Variants in TDRD1 observed in about 807,000 individuals in gnomAD.
TDRD1 encodes tudor domain-containing protein 1.
TDRD1 carries 37 observed loss-of-function variants against 140.6 expected under a neutral mutation model. The ratio of observed to expected loss-of-function variants is 0.26; its 90% CI spans 0.20 to 0.35. TDRD1 has a LOEUF of 0.35. TDRD1 is among the 10% of genes least tolerant of loss of function. TDRD1 has a pLI of 1.00. For missense variants in TDRD1, 1,243 were observed against 1,393.0 expected (o/e 0.89, Z 1.71); for synonymous variants, 506 against 475.7 (o/e 1.06, Z -0.83).
chr10:114,200,050 C>G (rs2034627386), intron 4 of TDRD1, among the ~76,000 whole-genome samples: 1 of 152,170 alleles, frequency 6.6e-6, no homozygotes, highest in South Asian at 2.1e-4. Flanking sequence ...AAGGTATTGT[C>G]CCATTTTCTT....
At chr10:114,191,132 TTC>T in intron 3 of TDRD1, 113 bp downstream of exon 3, 1 of 1,176,306 alleles carries the variant, frequency 8.5e-7, no homozygotes. Context: ...CAAATGTTTT[TTC>T]TTTTATGTAC....
chr10:114,182,926 C>T (rs1437124830), intron 1 of TDRD1, among the ~76,000 whole-genome samples: 2 of 152,116 alleles, frequency 1.3e-5, no homozygotes, highest in East Asian at 3.9e-4. Flanking sequence ...CCTCGTGATC[C>T]GCCCGCCTCA....
In TDRD1 at chr10:114,202,304, G is replaced by A; in HGVS notation, c.696+6G>A. ...ATGTGGAGGTAAACAATAAGGTATG[G>A]TATACTTTGTCTTTAAATTTTGAAT... On this transcript the variant is annotated splice_donor_region_variant and intron_variant, in intron 6 of 25. Transcript: ENST00000251864. The A allele has an allele frequency of 6.4e-7, 1 of 1,569,132 alleles. No individual in the cohort carries two copies. The highest frequency in any genetic ancestry group is 1.4e-5 in the African/African-American group (1 of 73,694).
chr10:114,194,761 T>TG (rs1470725252), intron 3 of TDRD1, among the ~76,000 whole-genome samples: 2 of 149,902 alleles, frequency 1.3e-5, no homozygotes, highest in African/African-American at 2.4e-5. Flanking sequence ...GTTGTTGGTT[T>TG]TTTTTTTTTT....
chr10:114,192,054 A>ATT (rs146888592), intron 3 of TDRD1, among the ~76,000 whole-genome samples: 275 of 145,558 alleles, frequency 1.9e-3, no homozygotes, highest in South Asian at 8.5e-3. Context: ...CTATTTTCTA[A>ATT]TTTTTTTTTT....
intron 25 of TDRD1, among the ~76,000 whole-genome samples, chr10:114,229,768 A>G (rs533320912): frequency 2.7e-5 from 4 of 150,926 alleles, no homozygotes; most frequent in Non-Finnish European, 4.4e-5. Flanking sequence ...ATGCAATGAC[A>G]TGGATTTCTG....
At chr10:114,213,550 T>C (rs1338837320) in exon 15 of TDRD1, 4 of 1,613,912 alleles carry the variant, frequency 2.5e-6, no homozygotes, top group Admixed American at 1.7e-5. Flanking sequence ...GAACAGAGTA[T>C]GGTGACAGAT....
At chr10:114,180,147 G>C (rs1418131414) in intron 1 of TDRD1, 2 of 152,190 alleles carry the variant, frequency 1.3e-5, no homozygotes, top group African/African-American at 2.4e-5. Context: ...CTGCAAGCTG[G>C]TTCCACAGGA....
intron 2 of TDRD1, among the ~76,000 whole-genome samples, chr10:114,190,611 C>T (rs1404950428): frequency 2.0e-5 from 3 of 152,210 alleles, no homozygotes; most frequent in African/African-American, 4.8e-5. Context: ...CCTCAGCCTC[C>T]TGAGTAATTG....
At chr10:114,181,648 G>A (rs552775251) in intron 1 of TDRD1, among the ~76,000 whole-genome samples, 1 of 152,196 alleles carries the variant, frequency 6.6e-6, no homozygotes, top group Admixed American at 6.5e-5. Flanking sequence ...GAGGTTAGGA[G>A]TTTGAGACCA....
At chr10:114,190,617 A>G (rs531794868) in intron 2 of TDRD1, among the ~76,000 whole-genome samples, 2 of 152,320 alleles carry the variant, frequency 1.3e-5, no homozygotes, top group East Asian at 1.9e-4. Flanking sequence ...CCTCCTGAGT[A>G]ATTGGGATTA....
chr10:114,214,939 C>T (rs1353596781), intron 16 of TDRD1, among the ~76,000 whole-genome samples: 1 of 151,926 alleles, frequency 6.6e-6, no homozygotes, highest in East Asian at 1.9e-4. Context: ...GGTGGGGTTT[C>T]ACCGTGTTAG....
At chr10:114,227,826 A>T in intron 23 of TDRD1, 84 bp from the exon 24 acceptor site, 6 of 1,043,756 alleles carry the variant, frequency 5.7e-6, no homozygotes, top group Non-Finnish European at 8.9e-6. Flanking sequence ...CAAGGGGGAG[A>T]GCTATCTGTA....
Position 114,231,986 on chromosome 10 carries a change from G to T in TDRD1, c.*469G>T, listed in dbSNP as rs12266538. 1,108 of 150,506 alleles carry T rather than the reference G, an allele frequency of 7.4e-3. 4 individuals are homozygous for T. The highest frequency in any genetic ancestry group is 0.034 in the South Asian group (160 of 4,762). The allele number at this position is 150,506 out of a possible 1,614,324, so 9.3% of individuals were successfully genotyped here. On this transcript the variant is annotated 3_prime_UTR_variant, in exon 26 of 26. Transcript: ENST00000251864. ...TTGATATGAGTTTTATTTTCTGTCC[G>T]TTTGAAATATTTTGTAATATTCCCT...
At chr10:114,231,336 G>T (rs1269559669) in intron 25 of TDRD1, 3 of 672,024 alleles carry the variant, frequency 4.5e-6, no homozygotes, top group Non-Finnish European at 7.8e-6. Context: ...TGTTATGGTG[G>T]TCATTAATTT....
At chr10:114,222,638 A>T in exon 21 of TDRD1, 2 of 1,613,646 alleles carry the variant, frequency 1.2e-6, no homozygotes, top group Non-Finnish European at 1.7e-6. Context: ...GAATACTGCA[A>T]TGCTCCGAAA....
intron 22 of TDRD1, among the ~76,000 whole-genome samples, chr10:114,226,507 ACAGGGTGTCTGGTGTCTGTGAAC>A (rs1167176116): frequency 6.6e-6 from 1 of 152,164 alleles, no homozygotes; most frequent in African/African-American, 2.4e-5. Flanking sequence ...AGGATGTGAA[ACAGGGTGTCTGGTGTCTGTGAAC>A]CAGGGTGTCT....
At chr10:114,191,967 T>C (rs757449772) in intron 3 of TDRD1, among the ~76,000 whole-genome samples, 1 of 152,208 alleles carries the variant, frequency 6.6e-6, no homozygotes, top group African/African-American at 2.4e-5. Flanking sequence ...TCCCTCACGA[T>C]TGATGATGAT....
intron 22 of TDRD1, among the ~76,000 whole-genome samples, chr10:114,226,494 G>A (rs2036444815): frequency 6.6e-6 from 1 of 152,196 alleles, no homozygotes; most frequent in South Asian, 2.1e-4. Context: ...AAGTGGCAAG[G>A]CCAGGATGTG....
Sources: allele counts gnomAD v4.1 joint callset (sites outside exome capture counted in the v4.1 genomes callset), GRCh38; gene constraint gnomAD v4.1.1; transcripts MANE v1.5; gene names NCBI Gene and HGNC (gene_info 2026-07-23, HGNC 2026-07-21).